CDK15: variants seen among roughly 807,000 people sequenced by gnomAD.
CDK15 encodes cyclin dependent kinase 15, also known as cyclin-dependent kinase 15.
CDK15 carries 62 observed loss-of-function variants against 60.3 expected under a neutral mutation model. The ratio of observed to expected loss-of-function variants is 1.03; its 90% confidence interval spans 0.84 to 1.27. CDK15 has a LOEUF of 1.27. Ranked by LOEUF, CDK15 falls within the 50% of genes most tolerant of loss-of-function variation. The probability of loss-of-function intolerance (pLI) is 0.00; values close to 1 mark genes in which losing one functional copy is unlikely to be tolerated. For missense variants in CDK15, 541 were observed against 527.8 expected (o/e 1.03, Z -0.25); for synonymous variants, 194 against 195.7 (o/e 0.99, Z 0.07).
At chr2:201,823,515 CA>C (rs1446383755) in intron 5 of CDK15, 149 bp from the exon 6 acceptor site, 11 of 673,492 alleles carry the variant, frequency 1.6e-5, no homozygotes, top group Non-Finnish European at 2.9e-5. Flanking sequence ...AGTGGGTTCT[CA>C]GAAAACCTGG....
chr2:201,852,956 T>A (rs1421937991), intron 9 of CDK15, among the ~76,000 whole-genome samples: 1 of 152,216 alleles, frequency 6.6e-6, no homozygotes, highest in Non-Finnish European at 1.5e-5. Flanking sequence ...ACTTTCACCT[T>A]AGAGAAAACA....
At chr2:201,866,453 T>A (rs1184177244) in intron 10 of CDK15, among the ~76,000 whole-genome samples, 1 of 152,192 alleles carries the variant, frequency 6.6e-6, no homozygotes, top group Non-Finnish European at 1.5e-5. Flanking sequence ...GCCCTCATTT[T>A]GATTTCACTC....
chr2:201,893,931 G>A lies in CDK15; in HGVS notation c.*664G>A, dbSNP rs141382421. On this transcript the variant is annotated 3_prime_UTR_variant, in exon 14 of 14. Transcript: ENST00000652192. ...GCTGCTGATTAGAAATGAATTTCAGGCTATCTCCTCCTACTGAATCTTAAT... is the reference window on the plus strand; with the variant it reads ...GCTGCTGATTAGAAATGAATTTCAGACTATCTCCTCCTACTGAATCTTAAT... The A allele has an allele frequency of 6.6e-6, 1 of 152,082 alleles. No individual in the cohort carries two copies. The highest frequency in any genetic ancestry group is 6.6e-5 in the Admixed American group (1 of 15,248). 9.4% of individuals were successfully genotyped at this position (152,082 alleles called of 1,614,324 possible). A position where few individuals can be genotyped will look rare whatever the true frequency, so the allele number is the denominator to read the frequency against.
chr2:201,813,471 A>G (rs2106155775), intron 4 of CDK15, among the ~76,000 whole-genome samples: 1 of 152,282 alleles, frequency 6.6e-6, no homozygotes, highest in African/African-American at 2.4e-5. Flanking sequence ...CCCTGGCCTT[A>G]TTTTCTCCCA....
chr2:201,836,039 A>T (rs1351767653), intron 8 of CDK15, among the ~76,000 whole-genome samples: 12 of 89,064 alleles, frequency 1.3e-4, no homozygotes, highest in African/African-American at 1.7e-4. Flanking sequence ...TATATATTTT[A>T]TATATATTTA....
At position 201,807,863 on chromosome 2, in the gene CDK15, G is replaced by A. The variant is rs1190380993; in HGVS notation, c.279G>A (p.Lys93=). 1 of 1,613,422 alleles carries A rather than the reference G, an allele frequency of 6.2e-7. No homozygotes were observed. The highest frequency in any genetic ancestry group is 1.1e-5 in the South Asian group (1 of 90,946). ...EDLRQGFQWR[K]SLPFGAASSY... ...TCCCCATTCCCCTAGAGCAGAGGAA[G>A]AGCCTCCCTTTTGGGGCAGCCTCAT... is the stretch of plus-strand genomic sequence containing the variant. The change falls in exon 3 of 14, where the codon AAG becomes AAA. Residue 93 remains lysine (K), a synonymous_variant. Coordinates refer to ENST00000652192, the MANE Select transcript of CDK15 (RefSeq NM_001366386.2).
chr2:201,841,033 C>G (rs1697353952), intron 8 of CDK15, among the ~76,000 whole-genome samples: 1 of 152,154 alleles, frequency 6.6e-6, no homozygotes, highest in Non-Finnish European at 1.5e-5. Context: ...TTTCTCTTCT[C>G]TCCTTCATAT....
rs145833974 is a variant in CDK15, at chr2:201,853,246, T to C, written c.946-1628T>C. On this transcript the variant is annotated intron_variant, in intron 9 of 13. Transcript: ENST00000652192. ...GTTCCCTCGGGCTCAGGGTGGTTGA[T>C]AGGAAAAGCCTATAATCCTCTCAGT... Among the ~76,000 whole-genome samples the C allele has an allele frequency of 1.4e-3, 210 of 152,346 alleles. 2 individuals are homozygous for C. Among genetic ancestry groups the C allele is most frequent in the African/African-American group, 4.7e-3 (194 of 41,582 alleles).
At chr2:201,837,432 GGGAAGGA>G (rs1697161667) in intron 8 of CDK15, among the ~76,000 whole-genome samples, 1 of 103,982 alleles carries the variant, frequency 9.6e-6, no homozygotes, top group Non-Finnish European at 2.0e-5. Flanking sequence ...GAGGGAGGAA[GGGAAGGA>G]AGGAAGGAAA....
chr2:201,876,629 G>C (rs1699089199), intron 11 of CDK15: 2 of 1,235,970 alleles, frequency 1.6e-6, no homozygotes, highest in Non-Finnish European at 2.1e-6. Flanking sequence ...TGTGAGACTG[G>C]AACAAGTCCA....
At chr2:201,811,661 GAAGAGA>G (rs1695775496) in intron 3 of CDK15, among the ~76,000 whole-genome samples, 1 of 152,220 alleles carries the variant, frequency 6.6e-6, no homozygotes, top group Admixed American at 6.5e-5. Context: ...AGGAGGAAAT[GAAGAGA>G]GAGAGAATAA....
chr2:201,879,788 C>A (rs1241308029), intron 11 of CDK15, among the ~76,000 whole-genome samples: 1 of 152,072 alleles, frequency 6.6e-6, no homozygotes, highest in African/African-American at 2.4e-5. Context: ...CGGTGGAGGG[C>A]AAGGGAGCTG....
Position 201,812,567 on chromosome 2 carries a change from G to A in CDK15, c.448+5G>A, listed in dbSNP as rs200430681. ...CATTTACAGCTATCCGAGAAGGTAAGAACAGCAGAAATGGACCCAATAGAT... is the reference window on the plus strand; with the variant it reads ...CATTTACAGCTATCCGAGAAGGTAAAAACAGCAGAAATGGACCCAATAGAT... On this transcript the variant is annotated splice_donor_5th_base_variant and intron_variant, in intron 4 of 13. Coordinates refer to ENST00000652192, the MANE Select transcript of CDK15 (RefSeq NM_001366386.2). 6.7e-5 allele frequency: 108 copies of A among 1,607,098 alleles called. No homozygotes were observed. In the East Asian group the frequency reaches 1.8e-3, roughly 26 times the overall value.
At chr2:201,834,734 G>A (rs1362783315) in intron 7 of CDK15, among the ~76,000 whole-genome samples, 1 of 152,112 alleles carries the variant, frequency 6.6e-6, no homozygotes, top group South Asian at 2.1e-4. Context: ...TGAAAAACTG[G>A]CTCTATGTGA....
chr2:201,893,320 C>T lies in CDK15; in HGVS notation c.*53C>T, dbSNP rs1444369292. On this transcript the variant is annotated 3_prime_UTR_variant, in exon 14 of 14. Transcript: ENST00000652192. The stretch of plus-strand genomic sequence containing the variant: ...TTCCAGGGCTGTATTTCTGCAGTTT[C>T]GGTTTTCATTTGCTTCAGCTTACTA... 6.6e-6 allele frequency: 1 copy of T among 152,034 alleles called. No individual in the cohort carries two copies. The highest frequency in any genetic ancestry group is 6.6e-5 in the Admixed American group (1 of 15,244). 9.4% of individuals were successfully genotyped at this position (152,034 alleles called of 1,614,324 possible). A position where few individuals can be genotyped will look rare whatever the true frequency, so the allele number is the denominator to read the frequency against.
At chr2:201,881,217 C>T (rs1559149446) in intron 12 of CDK15, among the ~76,000 whole-genome samples, 1 of 152,188 alleles carries the variant, frequency 6.6e-6, no homozygotes, top group Non-Finnish European at 1.5e-5. Context: ...CGTCCTGCAG[C>T]AGTCCAAAGC....
chr2:201,854,755 G>A (rs1474901359), intron 9 of CDK15, 119 bp from the exon 10 acceptor site: 5 of 769,856 alleles, frequency 6.5e-6, no homozygotes, highest in East Asian at 2.6e-5. Flanking sequence ...GTCATGCAAT[G>A]GGACATACAT....
At chr2:201,829,252 C>T (rs55852210) in intron 6 of CDK15, among the ~76,000 whole-genome samples, 5,515 of 152,200 alleles carry the variant, frequency 0.036, 252 homozygotes, top group East Asian at 0.23. Context: ...CCTCTCTCCC[C>T]CTACTCACAC....
At chr2:201,876,508 C>G in intron 11 of CDK15, 2 of 1,122,276 alleles carry the variant, frequency 1.8e-6, no homozygotes, top group Non-Finnish European at 2.4e-6. Context: ...GAGACCGACA[C>G]ACACTTGGCT....
Sources: gnomAD v4.1 joint callset for allele counts (sites outside exome capture counted in the v4.1 genomes callset) on GRCh38, gnomAD v4.1.1 for gene constraint, MANE v1.5 for transcripts, NCBI Gene and HGNC (gene_info 2026-07-23, HGNC 2026-07-21) for gene names.